Variants in MDN1 observed in about 807,000 individuals in gnomAD.
MDN1 encodes the protein midasin AAA ATPase 1, also known as midasin.
Under a neutral mutation model 669.2 loss-of-function variants are expected in MDN1, and 266 were observed. The ratio of observed to expected loss-of-function variants is 0.40; its 90% confidence interval spans 0.36 to 0.44. The LOEUF is 0.44. MDN1 is among the 20% of genes least tolerant of loss of function. The pLI is 1.00. For missense variants in MDN1, 5,940 were observed against 6,754.0 expected (o/e 0.88, Z 4.22); for synonymous variants, 2,385 against 2,457.1 (o/e 0.97, Z 0.87).
At chr6:89,696,694 A>G in intron 59 of MDN1, 120 bp from the exon 60 acceptor site, 2 of 691,906 alleles carry the variant, frequency 2.9e-6, no homozygotes, top group Non-Finnish European at 5.0e-6. Flanking sequence ...GGTAAGCATC[A>G]CTCAGAGACT....
intron 73 of MDN1, 104 bp from the exon 74 acceptor site, chr6:89,680,855 C>T: frequency 8.0e-7 from 1 of 1,245,412 alleles, no homozygotes; most frequent in Non-Finnish European, 1.1e-6. Context: ...ATCCCTAGTT[C>T]AGCAAATAGA....
intron 76 of MDN1, among the ~76,000 whole-genome samples, chr6:89,676,566 C>T (rs774285060): frequency 6.6e-6 from 1 of 152,092 alleles, no homozygotes; most frequent in Non-Finnish European, 1.5e-5. Context: ...CTGACCTCAA[C>T]GTGGGGAAGA....
At chr6:89,803,895 C>CTTTTTTTTTTTTTT (rs56246331) in intron 1 of MDN1, among the ~76,000 whole-genome samples, 1 of 76,414 alleles carries the variant, frequency 1.3e-5, no homozygotes, top group Non-Finnish European at 2.3e-5. Context: ...CTTTTCTTTT[C>CTTTTTTTTTTTTTT]TTTTTTTTTT....
chr6:89,666,031 ACT>A (rs1259364219), intron 84 of MDN1, among the ~76,000 whole-genome samples: 5 of 152,092 alleles, frequency 3.3e-5, no homozygotes, highest in South Asian at 2.1e-4. Flanking sequence ...AGAGAGCAAG[ACT>A]CTGTCTCCAA....
chr6:89,732,202 A>G (rs1185761139), intron 34 of MDN1, among the ~76,000 whole-genome samples: 1 of 151,958 alleles, frequency 6.6e-6, no homozygotes, highest in African/African-American at 2.4e-5. Flanking sequence ...TTAAGTGTTC[A>G]ATTTCTTTAC....
chr6:89,693,055 G>A lies in MDN1; in HGVS notation c.9975C>T (p.Ser3325=), dbSNP rs115049681. 1 of 1,614,128 alleles carries A rather than the reference G, an allele frequency of 6.2e-7. No individual in the cohort carries two copies. The highest frequency in any genetic ancestry group is 1.3e-5 in the African/African-American group (1 of 75,034). The change falls in exon 63 of 102, where the codon TCC becomes TCT. Residue 3325 remains serine (S), a synonymous_variant. Transcript: ENST00000369393. ...AFRPQLPAYE[S]LVQEIHHYVT... ...CGTAGTGGTGGATCTCCTGAACCAGGGACTCGTAGGCAGGCAGCTGGGGTC... is the reference window on the plus strand; with the variant it reads ...CGTAGTGGTGGATCTCCTGAACCAGAGACTCGTAGGCAGGCAGCTGGGGTC...
At position 89,678,144 on chromosome 6, in the gene MDN1, C is replaced by T. The variant is rs565506030; in HGVS notation, c.12413-448G>A. Among the ~76,000 whole-genome samples, 24 of 152,166 alleles carry T rather than the reference C, an allele frequency of 1.6e-4. No individual in the cohort carries two copies. In the East Asian group the frequency reaches 3.5e-3, roughly 22 times the overall value. On this transcript the variant is annotated intron_variant, in intron 75 of 101. Coordinates refer to ENST00000369393, the MANE Select transcript of MDN1 (RefSeq NM_014611.3). ...AAAATCAGCCGGGTGTGGTGGCACG[C>T]GCCTGTAGTCCCAGCTACTTGGGAG...
intron 15 of MDN1, among the ~76,000 whole-genome samples, chr6:89,766,277 C>T (rs1388865320): frequency 3.3e-5 from 5 of 150,096 alleles, no homozygotes; most frequent in Admixed American, 6.7e-5. Flanking sequence ...CCAGCCTGGG[C>T]GACAGAGTTA....
intron 17 of MDN1, 113 bp downstream of exon 17, chr6:89,761,532 T>C (rs1197152104): frequency 1.5e-6 from 1 of 647,046 alleles, no homozygotes; most frequent in African/African-American, 1.9e-5. Context: ...CTTTTCAAAA[T>C]CTTCCCCCAA....
intron 34 of MDN1, among the ~76,000 whole-genome samples, chr6:89,731,683 G>A (rs546425807): frequency 5.9e-5 from 9 of 151,910 alleles, no homozygotes; most frequent in Non-Finnish European, 1.3e-4. Flanking sequence ...CCTAGATGAC[G>A]GGTTGATGGG....
rs1562067409 is a variant in MDN1, at chr6:89,673,359, C to T, written c.13351G>A (p.Glu4451Lys). The change falls in exon 80 of 102, where the codon GAG becomes AAG. Residue 4451 changes from glutamate (E) to lysine (K), a missense_variant. By Grantham distance (56) the Glu-to-Lys change is moderately conservative. This residue lies in a region of MDN1 where 2,280 missense variants were observed against 2,576.3 expected (regional missense o/e 0.88). Transcript: ENST00000369393. ...AGTGCCATTTGTGAGTCTCTTTGCTCAACCTCCATCCCTGGAAGAATGAAC... is the reference window on the plus strand; with the variant it reads ...AGTGCCATTTGTGAGTCTCTTTGCTTAACCTCCATCCCTGGAAGAATGAAC... ...SLFILPGMEV[E>K]QRDSQMALVE... 5.6e-6 allele frequency: 9 copies of T among 1,614,196 alleles called. No homozygotes were observed. Among genetic ancestry groups the T allele is most frequent in the Non-Finnish European group, 6.8e-6 (8 of 1,180,034 alleles).
intron 15 of MDN1, among the ~76,000 whole-genome samples, chr6:89,763,667 G>A (rs1378223162): frequency 1.3e-5 from 2 of 152,156 alleles, no homozygotes; most frequent in African/African-American, 4.8e-5. Context: ...AATAATTTAA[G>A]TTGAGAACTT....
chr6:89,800,961 A>G (rs998428573), intron 2 of MDN1, among the ~76,000 whole-genome samples: 1 of 152,240 alleles, frequency 6.6e-6, no homozygotes, highest in African/African-American at 2.4e-5. Flanking sequence ...GTGTTCTGCA[A>G]ATGTAGAGAA....
At chr6:89,664,430 C>CTGGATAAAATATTTATGCTT in intron 85 of MDN1, 57 bp downstream of exon 85, 1 of 1,593,982 alleles carries the variant, frequency 6.3e-7, no homozygotes, top group Non-Finnish European at 8.6e-7. Flanking sequence ...ATGTAATTTC[C>CTGGATAAAATATTTATGCTT]TGGATAAAAT....
chr6:89,664,740 A>T, intron 84 of MDN1, 112 bp from the exon 85 acceptor site: 1 of 785,322 alleles, frequency 1.3e-6, no homozygotes, highest in South Asian at 2.4e-5. Context: ...GGAGAGGAAA[A>T]AAAAAGAGAA....
At chr6:89,802,319 T>C (rs558489962) in intron 2 of MDN1, among the ~76,000 whole-genome samples, 6 of 152,316 alleles carry the variant, frequency 3.9e-5, no homozygotes, top group East Asian at 3.9e-4. Context: ...AGACTAGATA[T>C]CATACTTCCA....
In MDN1 at chr6:89,675,471, T is replaced by C. The variant is rs1456208982; in HGVS notation, c.12754A>G (p.Ile4252Val). 2 of 1,613,206 alleles carry C rather than the reference T, an allele frequency of 1.2e-6. No homozygotes were observed. The stretch of plus-strand genomic sequence containing the variant: ...CAACTCATCAGCTGATACCTGAGGA[T>C]GATCCACTGCTCACTGAGCGTGGTC... ...SLTTLSEQWI[I>V]LRNLLSCVQE... The change falls in exon 78 of 102, where the codon ATC (isoleucine) becomes GTC (valine). Residue 4252 changes from isoleucine to valine, a missense_variant. By Grantham distance (29) the Ile-to-Val change is conservative (BLOSUM62 3). Coordinates refer to ENST00000369393, the MANE Select transcript of MDN1 (RefSeq NM_014611.3).
At chr6:89,765,657 G>A (rs1048834809) in intron 15 of MDN1, among the ~76,000 whole-genome samples, 3 of 152,128 alleles carry the variant, frequency 2.0e-5, no homozygotes, top group Non-Finnish European at 4.4e-5. Context: ...GGGATCCAAA[G>A]TTAACTGAAG....
chr6:89,813,924 TAAA>T (rs61034558), intron 1 of MDN1, among the ~76,000 whole-genome samples: 2 of 135,514 alleles, frequency 1.5e-5, no homozygotes, highest in African/African-American at 2.8e-5. Flanking sequence ...ACCTAAGATT[TAAA>T]AAAAAAAAAA....
Sources: gnomAD v4.1 joint callset for allele counts (sites outside exome capture counted in the v4.1 genomes callset) on GRCh38, gnomAD v4.1.1 for gene constraint, gnomAD v4.1.1 regional missense constraint, MANE v1.5 for transcripts, NCBI Gene and HGNC (gene_info 2026-07-23, HGNC 2026-07-21) for gene names.